Variants in KRT3 observed in about 807,000 individuals in gnomAD.
KRT3 encodes the protein keratin 3.
A neutral mutation model predicts 45.8 loss-of-function variants in KRT3; 34 were observed. That is an observed-to-expected ratio of 0.74 (90% CI 0.57 to 0.99). KRT3 has a LOEUF of 0.99. Ranked by LOEUF, KRT3 falls within the 50% of genes least tolerant of loss-of-function variation. The probability of loss-of-function intolerance (pLI) is 0.00; values close to 1 mark genes in which losing one functional copy is unlikely to be tolerated. For synonymous variants in KRT3, 367 were observed against 329.0 expected (o/e 1.12, Z -1.25); for missense variants, 828 against 820.6 (o/e 1.01, Z -0.11).
Position 52,792,807 on chromosome 12 carries a change from CT to C in KRT3, c.928-2del. 1 of 1,601,856 alleles carries C rather than the reference CT, an allele frequency of 6.2e-7. No individual in the cohort carries two copies. On this transcript the variant is annotated splice_acceptor_variant, in intron 3 of 8. Transcript: ENST00000417996. LOFTEE classifies it high-confidence loss of function. ...TGTTCATATAGGCACTGTCCACATC[CT>C]GAGAAAAGAGGAAGATAAAGGCCTT... is the stretch of plus-strand genomic sequence containing the variant.
At position 52,791,392 on chromosome 12, in the gene KRT3, T is replaced by A; in HGVS notation, c.1349A>T (p.Glu450Val). 6.2e-7 allele frequency: 1 copy of A among 1,614,190 alleles called. No individual in the cohort carries two copies. Among genetic ancestry groups the A allele is most frequent in the South Asian group, 1.1e-5 (1 of 91,086 alleles). Residue 450 changes from glutamate to valine, a missense_variant, in exon 7 of 9, where the codon GAG (glutamate) becomes GTG (valine). Physicochemically the swap from Glu to Val is moderately radical, Grantham distance 121. Transcript: ENST00000417996. ...ANLQTAIAEA[E>V]QHGEMALKDA... is the part of the protein sequence containing the mutation. ...CTTGAGGGCCATCTCTCCATGCTGCTCGGCCTCGGCAATGGCCGTCTGCAG... is the reference window on the plus strand; with the variant it reads ...CTTGAGGGCCATCTCTCCATGCTGCACGGCCTCGGCAATGGCCGTCTGCAG...
intron 2 of KRT3, among the ~76,000 whole-genome samples, chr12:52,793,649 T>A (rs1026664218): frequency 6.6e-6 from 1 of 152,084 alleles, no homozygotes; most frequent in African/African-American, 2.4e-5. Context: ...TGGAGTGCAG[T>A]GGTACAATCT....
In KRT3 at chr12:52,792,779, C is replaced by T. The variant is rs769969871; in HGVS notation, c.955G>A (p.Val319Met). Reference protein sequence around the residue: ...KDVDSAYMNKVELQAKVDALI... With the variant: ...KDVDSAYMNKMELQAKVDALI... ...GCATCCACTTTGGCCTGAAGCTCCACCTTGTTCATATAGGCACTGTCCACA... is the reference window on the plus strand; with the variant it reads ...GCATCCACTTTGGCCTGAAGCTCCATCTTGTTCATATAGGCACTGTCCACA... Residue 319 changes from valine (V) to methionine (M), a missense_variant, in exon 4 of 9, where the codon GTG (valine) becomes ATG (methionine). Transcript: ENST00000417996. 1 of 1,613,470 alleles carries T rather than the reference C, an allele frequency of 6.2e-7. No homozygotes were observed.
At chr12:52,795,370 A>T (rs1414245884) in intron 1 of KRT3, 28 bp downstream of exon 1, 3 of 1,613,546 alleles carry the variant, frequency 1.9e-6, no homozygotes, top group Non-Finnish European at 2.5e-6. Flanking sequence ...CCAGCCCAGG[A>T]AGGGATGACC....
Position 52,795,551 on chromosome 12 carries a change from CCCAGGGCCAAAGCCA to C in KRT3, c.477_491del (p.Gly162_Phe166del). On this transcript the variant is annotated inframe_deletion, in exon 1 of 9. Coordinates refer to ENST00000417996, the MANE Select transcript of KRT3 (RefSeq NM_057088.3). ...CTTCCTGAATTCCCCCAGGAAAGCC[CCCAGGGCCAAAGCCA>C]CCAGGACTGCCCAAGCTGCCAGGCC... The C allele has an allele frequency of 2.5e-6, 4 of 1,613,408 alleles. No individual in the cohort carries two copies. The highest frequency in any genetic ancestry group is 3.4e-6 in the Non-Finnish European group (4 of 1,179,660).
At chr12:52,792,078 A>G (rs549695546) in intron 5 of KRT3, among the ~76,000 whole-genome samples, 161 bp downstream of exon 5, 1 of 152,284 alleles carries the variant, frequency 6.6e-6, no homozygotes, top group East Asian at 1.9e-4. Context: ...CCCAGGGGCA[A>G]GACTTTCTGC....
chr12:52,795,930 G>T lies in KRT3; in HGVS notation c.113C>A (p.Ala38Asp). The change falls in exon 1 of 9, where the codon GCT becomes GAT. Residue 38 changes from alanine to aspartate, a missense_variant. By Grantham distance (126) the Ala-to-Asp change is moderately radical. Transcript: ENST00000417996. ...RMSCVAHSGG[A>D]GGGAYGFRSG... ...CCGGAAGCCATAGGCCCCTCCGCCA[G>T]CTCCCCCAGAGTGGGCCACACAGCT... 1 of 1,614,110 alleles carries T rather than the reference G, an allele frequency of 6.2e-7. No homozygotes were observed. Among genetic ancestry groups the T allele is most frequent in the Non-Finnish European group, 8.5e-7 (1 of 1,180,000 alleles).
In KRT3 at chr12:52,794,075, G is replaced by A. The variant is rs745841418; in HGVS notation, c.866+36C>T. The A allele has an allele frequency of 3.9e-6, 6 of 1,531,736 alleles. No individual in the cohort carries two copies. In the East Asian group the frequency reaches 1.4e-4, roughly 35 times the overall value. The allele number at this position is 1,531,736 out of a possible 1,614,324, so 94.9% of individuals were successfully genotyped here. On this transcript the variant is annotated intron_variant, in intron 2 of 8. Coordinates refer to ENST00000417996, the MANE Select transcript of KRT3 (RefSeq NM_057088.3). Reference sequence around the variant, plus strand: ...GGGCCAAGACTCTGAGACAGGGTGGGCCATGGCATCTTCCCACTCCTGCCC... The same window carrying A: ...GGGCCAAGACTCTGAGACAGGGTGGACCATGGCATCTTCCCACTCCTGCCC...
rs751484506 is a variant in KRT3, at chr12:52,790,824, C to A, written c.1570+14G>T. On this transcript the variant is annotated intron_variant, in intron 8 of 8. Transcript: ENST00000417996. ...GAATTAACTCTCATTTTCTTAGCTA[C>A]TTTCGGTACTTACAGATGCTGACAG... 3 of 1,585,388 alleles carry A rather than the reference C, an allele frequency of 1.9e-6. No individual in the cohort carries two copies. Among genetic ancestry groups the A allele is most frequent in the Non-Finnish European group, 2.6e-6 (3 of 1,163,594 alleles).
Position 52,795,569 on chromosome 12 carries a change from A to G in KRT3, c.474T>C (p.Pro158=), listed in dbSNP as rs1939618059. 1.9e-6 allele frequency: 3 copies of G among 1,610,530 alleles called. No individual in the cohort carries two copies. In the African/African-American group the frequency reaches 4.0e-5, roughly 22 times the overall value. ...GFGGPGSLGS[P]GGFGPGGFPG... is the part of the protein sequence containing the mutation. ...GAAAGCCCCCAGGGCCAAAGCCACC[A>G]GGACTGCCCAAGCTGCCAGGCCCAC... Residue 158 remains proline (P), a synonymous_variant, in exon 1 of 9, where the codon CCT becomes CCC. Transcript: ENST00000417996.
At position 52,794,207 on chromosome 12, in the gene KRT3, T is replaced by A. The variant is rs776867988; in HGVS notation, c.770A>T (p.Tyr257Phe). The change falls in exon 2 of 9, where the codon TAC becomes TTC. Residue 257 changes from tyrosine to phenylalanine, a missense_variant. Tyr to Phe is a conservative substitution (Grantham distance 22). Transcript: ENST00000417996. ...LEPLFENHIN[Y>F]LRSYLDNILG... ...GATGTTGTCCAGGTAGCTCCGCAGGTAGTTGATGTGATTCTCAAAAAGAGG... is the reference window on the plus strand; with the variant it reads ...GATGTTGTCCAGGTAGCTCCGCAGGAAGTTGATGTGATTCTCAAAAAGAGG... The A allele has an allele frequency of 2.5e-6, 4 of 1,614,102 alleles. No individual in the cohort carries two copies. The highest frequency in any genetic ancestry group is 3.4e-6 in the Non-Finnish European group (4 of 1,179,992).
chr12:52,793,717 G>A (rs780152933), intron 2 of KRT3, among the ~76,000 whole-genome samples: 22 of 152,104 alleles, frequency 1.4e-4, no homozygotes, highest in African/African-American at 2.2e-4. Context: ...TCAGCCACCC[G>A]ACTATCTTGG....
Position 52,794,273 on chromosome 12 carries a change from T to C in KRT3, c.704A>G (p.Gln235Arg). The C allele has an allele frequency of 6.2e-7, 1 of 1,614,202 alleles. No homozygotes were observed. The highest frequency in any genetic ancestry group is 8.5e-7 in the Non-Finnish European group (1 of 1,180,030). The change falls in exon 2 of 9, where the codon CAG (glutamine) becomes CGG (arginine). Residue 235 changes from glutamine (Q) to arginine (R), a missense_variant. Gln to Arg is a conservative substitution (Grantham distance 43). Transcript: ENST00000417996. Reference sequence around the variant, plus strand: ...GCCTGAGATGGAACTTGTGCCCTGCTGCTGGAGCAGGTTCCACTTGGTCTC... The same window carrying C: ...GCCTGAGATGGAACTTGTGCCCTGCCGCTGGAGCAGGTTCCACTTGGTCTC... ...VLETKWNLLQ[Q>R]QGTSSISGTN... is the part of the protein sequence containing the mutation.
At chr12:52,793,293 C>A (rs566170580) in intron 2 of KRT3, 70 bp from the exon 3 acceptor site, 2 of 1,076,110 alleles carry the variant, frequency 1.9e-6, no homozygotes, top group African/African-American at 3.1e-5. Context: ...TTCCCTGGAA[C>A]TCTGAAAGTT....
intron 3 of KRT3, 40 bp from the exon 4 acceptor site, chr12:52,792,846 A>G (rs768041396): frequency 7.6e-7 from 1 of 1,317,530 alleles, no homozygotes; most frequent in African/African-American, 1.5e-5. Flanking sequence ...TCTCCCAATG[A>G]ACAAACAGCA....
intron 8 of KRT3, 77 bp from the exon 9 acceptor site, chr12:52,790,435 G>A: frequency 7.3e-7 from 1 of 1,378,684 alleles, no homozygotes; most frequent in Non-Finnish European, 9.8e-7. Context: ...TGATCCACCG[G>A]GCCCACGACT....
chr12:52,791,897 C>A, intron 5 of KRT3, 81 bp from the exon 6 acceptor site: 1 of 1,476,762 alleles, frequency 6.8e-7, no homozygotes, highest in Non-Finnish European at 9.2e-7. Flanking sequence ...CCCACCAAAC[C>A]TTCAGAAGCT....
In KRT3 at chr12:52,794,235, C is replaced by G; in HGVS notation, c.742G>C (p.Glu248Gln). The G allele has an allele frequency of 6.2e-7, 1 of 1,614,182 alleles. No individual in the cohort carries two copies. The highest frequency in any genetic ancestry group is 8.5e-7 in the Non-Finnish European group (1 of 1,180,004). ...TSSISGTNNL[E>Q]PLFENHINYL... Reference sequence around the variant, plus strand: ...TTGATGTGATTCTCAAAAAGAGGCTCAAGGTTGTTTGTGCCTGAGATGGAA... The same window carrying G: ...TTGATGTGATTCTCAAAAAGAGGCTGAAGGTTGTTTGTGCCTGAGATGGAA... The change falls in exon 2 of 9, where the codon GAG becomes CAG. Residue 248 changes from glutamate to glutamine, a missense_variant. Transcript: ENST00000417996.
Position 52,792,632 on chromosome 12 carries a change from A to G in KRT3, c.1023+79T>C, listed in dbSNP as rs1939547308. 5 of 1,112,134 alleles carry G rather than the reference A, an allele frequency of 4.5e-6. No homozygotes were observed. The Admixed American group carries it at 8.4e-5, about 19-fold the overall frequency. The allele number at this position is 1,112,134 out of a possible 1,614,324, so 68.9% of individuals were successfully genotyped here. A position where few individuals can be genotyped will look rare whatever the true frequency, so the allele number is the denominator to read the frequency against. On this transcript the variant is annotated intron_variant, in intron 4 of 8. Coordinates refer to ENST00000417996, the MANE Select transcript of KRT3 (RefSeq NM_057088.3). ...TCATTCCAGATGTCTTCTGGGGCCT[A>G]TATACCAAAATGCACCAGCCTCAAA...
Sources: gnomAD v4.1 joint callset for allele counts (sites outside exome capture counted in the v4.1 genomes callset) on GRCh38, gnomAD v4.1.1 for gene constraint, MANE v1.5 for transcripts, NCBI Gene and HGNC (gene_info 2026-07-23, HGNC 2026-07-21) for gene names.